CNTRL: variants seen among roughly 807,000 people sequenced by gnomAD.
CNTRL encodes 110 kDa centrosomal protein.
Under a neutral mutation model 303.7 loss-of-function variants are expected in CNTRL, and 233 were observed. That is an observed-to-expected ratio of 0.77 (90% CI 0.69 to 0.86). CNTRL has a LOEUF of 0.86. Ranked by LOEUF, CNTRL falls within the 40% of genes least tolerant of loss-of-function variation. The pLI is 0.00. For missense variants in CNTRL, 2,524 were observed against 2,650.6 expected (o/e 0.95, Z 1.05); for synonymous variants, 900 against 922.2 (o/e 0.98, Z 0.44).
At chr9:121,142,630 CCT>C (rs2051583946) in intron 19 of CNTRL, among the ~76,000 whole-genome samples, 1 of 152,190 alleles carries the variant, frequency 6.6e-6, no homozygotes, top group Non-Finnish European at 1.5e-5. Flanking sequence ...AATACCCCTG[CCT>C]CTCTTTAATG....
At chr9:121,094,852 G>A in intron 4 of CNTRL, 36 bp from the exon 5 acceptor site, 1 of 1,463,410 alleles carries the variant, frequency 6.8e-7, no homozygotes, top group Non-Finnish European at 9.3e-7. Flanking sequence ...CAAGTCATCT[G>A]TTGTGTAAAG....
chr9:121,093,005 C>T (rs2048733533), intron 4 of CNTRL, among the ~76,000 whole-genome samples: 1 of 150,298 alleles, frequency 6.7e-6, no homozygotes, highest in South Asian at 2.1e-4. Flanking sequence ...GACAGGGTTT[C>T]ACCATGTTGG....
intron 2 of CNTRL, among the ~76,000 whole-genome samples, chr9:121,085,171 G>A (rs2048298595): frequency 6.6e-6 from 1 of 152,134 alleles, no homozygotes; most frequent in South Asian, 2.1e-4. Context: ...ATATTTTATG[G>A]TTTCATTTCT....
intron 43 of CNTRL, among the ~76,000 whole-genome samples, chr9:121,176,375 A>T (rs1331806442): frequency 6.6e-6 from 1 of 152,200 alleles, no homozygotes; most frequent in Non-Finnish European, 1.5e-5. Context: ...TCACACAGCT[A>T]ATTAGCAGCA....
In CNTRL at chr9:121,159,891, C is replaced by G. The variant is rs562438738; in HGVS notation, c.4930-252C>G. Among the ~76,000 whole-genome samples the G allele has an allele frequency of 1.1e-3, 160 of 152,236 alleles. 2 individuals are homozygous for G. The highest frequency in any genetic ancestry group is 3.7e-3 in the African/African-American group (155 of 41,558). ...GGAGCCATGTCTCAGTCAGGCTTTT[C>G]TCTCTATAGACGTTGCCTTGCTTAC... is the stretch of plus-strand genomic sequence containing the variant. On this transcript the variant is annotated intron_variant, in intron 31 of 43. Coordinates refer to ENST00000373855, the MANE Select transcript of CNTRL (RefSeq NM_007018.6).
intron 31 of CNTRL, among the ~76,000 whole-genome samples, chr9:121,159,227 C>T (rs1037324834): frequency 6.6e-6 from 1 of 152,122 alleles, no homozygotes; most frequent in African/African-American, 2.4e-5. Context: ...GCTCAAAGTT[C>T]TCCTGCCCCT....
chr9:121,089,486 T>C (rs548169219), intron 3 of CNTRL, among the ~76,000 whole-genome samples: 55 of 152,194 alleles, frequency 3.6e-4, no homozygotes, highest in Non-Finnish European at 6.6e-4. Context: ...TTGACAACAA[T>C]ATCCAGGAAA....
chr9:121,096,481 A>T lies in CNTRL; in HGVS notation c.539A>T (p.Glu180Val). ...NLQKLNLAGN[E>V]IEHIPVWLGK... is the part of the protein sequence containing the mutation. ...CAAAAGCTTAACCTTGCAGGAAATG[A>T]AATTGAGCATATTCCAGTATGGTTA... Residue 180 changes from glutamate (E) to valine (V), a missense_variant, in exon 6 of 44, where the codon GAA becomes GTA. Transcript: ENST00000373855. 6.4e-7 allele frequency: 1 copy of T among 1,574,388 alleles called. No individual in the cohort carries two copies.
chr9:121,108,033 A>C (rs755888887), intron 8 of CNTRL, 38 bp downstream of exon 8: 15 of 1,370,934 alleles, frequency 1.1e-5, no homozygotes, highest in Non-Finnish European at 1.5e-5. Flanking sequence ...CTGTATTCTC[A>C]TAAGACAGAT....
chr9:121,162,222 C>T lies in CNTRL; in HGVS notation c.5374C>T (p.Leu1792Phe), dbSNP rs565067734. ...GTGTTTGAGCAAAGAAAAGGAAGAT[C>T]TCCAAGAGAAATGTGACATTTGGGA... ...VECLSKEKED[L>F]QEKCDIWEKK... The change falls in exon 34 of 44, where the codon CTC becomes TTC. Residue 1792 changes from leucine (L) to phenylalanine (F), a missense_variant. Leu to Phe is a conservative substitution (Grantham distance 22). Coordinates refer to ENST00000373855, the MANE Select transcript of CNTRL (RefSeq NM_007018.6). The T allele has an allele frequency of 1.9e-5, 30 of 1,614,058 alleles. No homozygotes were observed. The South Asian group carries it at 3.3e-4, about 18-fold the overall frequency.
At chr9:121,097,032 G>A (rs1032904301) in intron 6 of CNTRL, among the ~76,000 whole-genome samples, 9 of 151,104 alleles carry the variant, frequency 6.0e-5, no homozygotes, top group Admixed American at 2.0e-4. Flanking sequence ...TGATTATAAT[G>A]TTAGGTGTTA....
At chr9:121,148,940 A>G in intron 24 of CNTRL, 79 bp downstream of exon 24, 3 of 1,340,918 alleles carry the variant, frequency 2.2e-6, no homozygotes, top group African/African-American at 1.4e-5. Context: ...AACCCCTAAG[A>G]CACAATCCAG....
In CNTRL at chr9:121,173,661, T is replaced by C. The variant is rs528272878; in HGVS notation, c.6685-14T>C. The C allele has an allele frequency of 6.2e-7, 1 of 1,613,932 alleles. No homozygotes were observed. Among genetic ancestry groups the C allele is most frequent in the Admixed American group, 1.7e-5 (1 of 60,020 alleles). ...CAGATGATTCATGATATCTCTATTT[T>C]CCCTCTGAGAAAGGATGAACACTGG... On this transcript the variant is annotated splice_polypyrimidine_tract_variant and intron_variant, in intron 41 of 43. Coordinates refer to ENST00000373855, the MANE Select transcript of CNTRL (RefSeq NM_007018.6).
intron 1 of CNTRL, among the ~76,000 whole-genome samples, chr9:121,079,680 T>C (rs1003637501): frequency 3.9e-5 from 6 of 152,156 alleles, no homozygotes; most frequent in African/African-American, 1.4e-4. Flanking sequence ...TAACCTGTAG[T>C]GAATGAGGCT....
chr9:121,147,346 A>G (rs1051558315), intron 23 of CNTRL, among the ~76,000 whole-genome samples: 1 of 152,166 alleles, frequency 6.6e-6, no homozygotes, highest in African/African-American at 2.4e-5. Flanking sequence ...AATCTCTTAC[A>G]CTTAATTATG....
intron 1 of CNTRL, among the ~76,000 whole-genome samples, chr9:121,079,916 C>T (rs1588032843): frequency 6.6e-6 from 1 of 151,782 alleles, no homozygotes; most frequent in African/African-American, 2.4e-5. Context: ...CAGGGTGGAG[C>T]GCAGGGGCAC....
At position 121,157,335 on chromosome 9, in the gene CNTRL, G is replaced by C. The variant is rs2052623644; in HGVS notation, c.4366-135G>C. ...CTTCTGAATTATTTACCGAGAATTA[G>C]AGTTACAGTGAATGGACATTTTTAT... On this transcript the variant is annotated intron_variant, in intron 27 of 43. Coordinates refer to ENST00000373855, the MANE Select transcript of CNTRL (RefSeq NM_007018.6). 3 of 785,674 alleles carry C rather than the reference G, an allele frequency of 3.8e-6. No homozygotes were observed. In the East Asian group the frequency reaches 7.8e-5, roughly 21 times the overall value. 48.7% of individuals were successfully genotyped at this position (785,674 alleles called of 1,614,324 possible).
chr9:121,079,737 A>G (rs554826561), intron 1 of CNTRL, among the ~76,000 whole-genome samples: 2 of 152,326 alleles, frequency 1.3e-5, no homozygotes, highest in East Asian at 3.9e-4. Flanking sequence ...TGAAATAATA[A>G]TCAACTTTTT....
intron 19 of CNTRL, among the ~76,000 whole-genome samples, chr9:121,142,608 A>C (rs1025392425): frequency 6.6e-6 from 1 of 152,216 alleles, no homozygotes. Flanking sequence ...TAAACTCCTC[A>C]TCATCCTTTC....
Sources: gnomAD v4.1 joint callset for allele counts (sites outside exome capture counted in the v4.1 genomes callset) on GRCh38, gnomAD v4.1.1 for gene constraint, MANE v1.5 for transcripts, NCBI Gene and HGNC (gene_info 2026-07-23, HGNC 2026-07-21) for gene names.